The following KLHL29 variants were observed in gnomAD, a reference collection of about 807,000 sequenced individuals.
The protein encoded by KLHL29 is kelch like family member 29, also known as kelch-like protein 29.
In KLHL29, 21 loss-of-function variants were observed where a neutral mutation model predicts 80.4. The observed-to-expected ratio is 0.26, with a 90% CI of 0.19 to 0.38. The LOEUF is 0.38. KLHL29 is among the 10% of genes least tolerant of loss of function. KLHL29 has a pLI of 1.00. For missense variants in KLHL29, 867 were observed against 1,223.9 expected, an observed-to-expected ratio of 0.71 and a Z score of 4.35; for synonymous variants, 511 against 526.8, an observed-to-expected ratio of 0.97 and a Z score of 0.41.
At chr2:23,580,162 A>T (rs1667945299) in intron 3 of KLHL29, among the ~76,000 whole-genome samples, 1 of 151,888 alleles carries the variant, frequency 6.6e-6, no homozygotes, top group African/African-American at 2.4e-5. Flanking sequence ...CGAGGTCAGG[A>T]GATCAAGACC....
At chr2:23,648,369 C>T (rs1192859038) in intron 5 of KLHL29, among the ~76,000 whole-genome samples, 1 of 152,150 alleles carries the variant, frequency 6.6e-6, no homozygotes, top group Non-Finnish European at 1.5e-5. Flanking sequence ...ACTGTGATTA[C>T]TTTACTGGTA....
At chr2:23,417,353 A>C (rs978738732) in intron 1 of KLHL29, among the ~76,000 whole-genome samples, 1 of 152,194 alleles carries the variant, frequency 6.6e-6, no homozygotes, top group South Asian at 2.1e-4. Context: ...TGTGGCCATC[A>C]TGTGTGGCTG....
At chr2:23,660,994 G>C (rs997073989) in intron 5 of KLHL29, among the ~76,000 whole-genome samples, 1 of 151,922 alleles carries the variant, frequency 6.6e-6, no homozygotes, top group Non-Finnish European at 1.5e-5. Flanking sequence ...TCGAGCCATT[G>C]CACTGCAGCC....
chr2:23,390,995 G>C (rs1470630428), intron 1 of KLHL29, among the ~76,000 whole-genome samples: 1 of 152,210 alleles, frequency 6.6e-6, no homozygotes, highest in Non-Finnish European at 1.5e-5. Flanking sequence ...GTGCAAGCAA[G>C]CTCCAGAACC....
At chr2:23,476,416 C>G (rs1653748) in intron 2 of KLHL29, among the ~76,000 whole-genome samples, 61,388 of 151,910 alleles carry the variant, frequency 0.4, 12,849 homozygotes, top group Middle Eastern at 0.47. Context: ...TCCTGTTCCC[C>G]AGAGATAACC....
intron 1 of KLHL29, among the ~76,000 whole-genome samples, chr2:23,412,616 C>CT (rs1190304578): frequency 6.6e-6 from 1 of 152,124 alleles, no homozygotes; most frequent in Non-Finnish European, 1.5e-5. Flanking sequence ...GGGGACAGAG[C>CT]TGTGAGAACC....
intron 1 of KLHL29, among the ~76,000 whole-genome samples, chr2:23,449,793 C>G (rs935200875): frequency 6.6e-5 from 10 of 152,136 alleles, no homozygotes; most frequent in African/African-American, 2.4e-4. Context: ...GCCCATACAA[C>G]TGAACTCCTT....
chr2:23,692,901 A>T (rs1671710660), intron 7 of KLHL29, among the ~76,000 whole-genome samples: 1 of 152,150 alleles, frequency 6.6e-6, no homozygotes. Context: ...AACATGGAAG[A>T]TGCTGTAAGC....
chr2:23,515,000 C>T (rs1665879513), intron 2 of KLHL29, among the ~76,000 whole-genome samples: 2 of 152,174 alleles, frequency 1.3e-5, no homozygotes, highest in Admixed American at 1.3e-4. Context: ...AGCCTAAAAA[C>T]TAGGGTTCAT....
intron 5 of KLHL29, among the ~76,000 whole-genome samples, chr2:23,658,317 A>G (rs1396910991): frequency 1.3e-5 from 2 of 152,114 alleles, no homozygotes; most frequent in Non-Finnish European, 2.9e-5. Flanking sequence ...CCTGGACACC[A>G]GGGTGGGGAA....
chr2:23,398,609 G>A (rs983449318), intron 1 of KLHL29, among the ~76,000 whole-genome samples: 2 of 152,260 alleles, frequency 1.3e-5, no homozygotes, highest in African/African-American at 4.8e-5. Flanking sequence ...ACTGTCAGCC[G>A]TGGTCAACCC....
chr2:23,703,826 G>A lies in KLHL29; in HGVS notation c.2407G>A (p.Ala803Thr). 2 of 1,537,512 alleles carry A rather than the reference G, an allele frequency of 1.3e-6. No homozygotes were observed. Among genetic ancestry groups the A allele is most frequent in the Non-Finnish European group, 1.7e-6 (2 of 1,146,964 alleles). ...IYDPEKGNIK[A>T]GPNMNHSRQF... The stretch of plus-strand genomic sequence containing the variant: ...CGACCCTGAGAAAGGAAACATTAAG[G>A]CGGGCCCAAACATGAACCACTCTCG... Residue 803 changes from alanine to threonine, a missense_variant, in exon 13 of 14, where the codon GCG (alanine) becomes ACG (threonine). By Grantham distance (58) the Ala-to-Thr change is moderately conservative (BLOSUM62 0). Transcript: ENST00000486442.
intron 6 of KLHL29, 88 bp from the exon 7 acceptor site, chr2:23,691,586 C>T: frequency 8.9e-7 from 1 of 1,128,170 alleles, no homozygotes; most frequent in Non-Finnish European, 1.3e-6. Flanking sequence ...AGGGCATGAC[C>T]AAGGTGTGCA....
At chr2:23,538,112 A>G (rs1450398330) in intron 2 of KLHL29, among the ~76,000 whole-genome samples, 1 of 152,218 alleles carries the variant, frequency 6.6e-6, no homozygotes, top group Non-Finnish European at 1.5e-5. Flanking sequence ...AGGAGCAAGG[A>G]CTTACTCAAA....
At chr2:23,506,240 C>T (rs552075941) in intron 2 of KLHL29, among the ~76,000 whole-genome samples, 3 of 152,362 alleles carry the variant, frequency 2.0e-5, no homozygotes, top group East Asian at 3.9e-4. Context: ...CCGTTGTTCA[C>T]AGGTCATCCG....
chr2:23,488,589 A>G (rs962288344), intron 2 of KLHL29, among the ~76,000 whole-genome samples: 3 of 152,206 alleles, frequency 2.0e-5, no homozygotes, highest in African/African-American at 4.8e-5. Flanking sequence ...AAGGTTTTCT[A>G]TTTTCTCTAT....
intron 1 of KLHL29, among the ~76,000 whole-genome samples, chr2:23,432,735 GT>G (rs1211696608): frequency 6.6e-6 from 1 of 152,224 alleles, no homozygotes; most frequent in Non-Finnish European, 1.5e-5. Flanking sequence ...AGCTGTGCAG[GT>G]GCTGAGGCAG....
chr2:23,480,386 C>T (rs1179738369), intron 2 of KLHL29, among the ~76,000 whole-genome samples: 7 of 152,056 alleles, frequency 4.6e-5, no homozygotes, highest in Non-Finnish European at 1.0e-4. Flanking sequence ...ACTCGGGAGG[C>T]TGAGGCAGGA....
intron 3 of KLHL29, among the ~76,000 whole-genome samples, chr2:23,573,115 G>A (rs1022000146): frequency 3.3e-5 from 5 of 152,316 alleles, no homozygotes; most frequent in African/African-American, 7.2e-5. Context: ...TGTCGGGGGC[G>A]CAGATTTTAC....
Sources: gnomAD v4.1 joint callset for allele counts (sites outside exome capture counted in the v4.1 genomes callset) on GRCh38, gnomAD v4.1.1 for gene constraint, MANE v1.5 for transcripts, NCBI Gene and HGNC (gene_info 2026-07-23, HGNC 2026-07-21) for gene names.